The following DNMBP variants were observed in gnomAD, a reference collection of about 807,000 sequenced individuals.
DNMBP encodes dynamin-binding protein.
A neutral mutation model predicts 150.0 loss-of-function variants in DNMBP; 87 were observed. The observed-to-expected ratio is 0.58, with a 90% CI of 0.49 to 0.69. The LOEUF is 0.69. Among genes scored for constraint, DNMBP ranks in the 30% least tolerant of loss-of-function variants. The pLI is 0.00. For synonymous variants in DNMBP, 711 were observed against 750.4 expected, an observed-to-expected ratio of 0.95 and a Z score of 0.86; for missense variants, 1,774 against 1,949.0, an observed-to-expected ratio of 0.91 and a Z score of 1.69.
intron 2 of DNMBP, among the ~76,000 whole-genome samples, chr10:99,971,381 A>G (rs777115098): frequency 6.8e-6 from 1 of 146,850 alleles, no homozygotes; most frequent in Non-Finnish European, 1.5e-5. Context: ...TTTCTTATTT[A>G]TTTATTGAGA....
chr10:99,945,333 G>A (rs577730298), intron 4 of DNMBP, among the ~76,000 whole-genome samples: 4 of 152,278 alleles, frequency 2.6e-5, no homozygotes, highest in Non-Finnish European at 4.4e-5. Context: ...ATACTGGCAC[G>A]CGGAGTAAAA....
At chr10:99,940,618 G>A (rs1325385933) in intron 4 of DNMBP, among the ~76,000 whole-genome samples, 4 of 152,078 alleles carry the variant, frequency 2.6e-5, no homozygotes, top group Non-Finnish European at 4.4e-5. Flanking sequence ...AACGACTTCC[G>A]CTGGCACCTC....
At chr10:99,915,213 A>C (rs2039952089) in intron 4 of DNMBP, among the ~76,000 whole-genome samples, 1 of 119,418 alleles carries the variant, frequency 8.4e-6, no homozygotes, top group Non-Finnish European at 1.9e-5. Flanking sequence ...ACATATATAC[A>C]TACACACACA....
At chr10:99,979,157 T>G (rs56339168) in intron 1 of DNMBP, among the ~76,000 whole-genome samples, 179 of 152,340 alleles carry the variant, frequency 1.2e-3, no homozygotes, top group Non-Finnish European at 1.9e-3. Flanking sequence ...CTGGCTTGAC[T>G]GGGTAAGCTA....
intron 1 of DNMBP, among the ~76,000 whole-genome samples, chr10:99,999,425 T>C (rs2040987248): frequency 6.6e-6 from 1 of 152,196 alleles, no homozygotes; most frequent in Non-Finnish European, 1.5e-5. Flanking sequence ...ACAATGCATG[T>C]AGTATGGTAG....
chr10:100,004,515 C>T (rs1373778064), intron 1 of DNMBP, among the ~76,000 whole-genome samples: 1 of 151,842 alleles, frequency 6.6e-6, no homozygotes, highest in African/African-American at 2.4e-5. Flanking sequence ...CCATGGAAAC[C>T]ACAAATGAGA....
chr10:99,968,704 AAGAG>A (rs1230236208), intron 3 of DNMBP, among the ~76,000 whole-genome samples: 3 of 149,442 alleles, frequency 2.0e-5, no homozygotes, highest in East Asian at 1.9e-4. Flanking sequence ...AAAAAAAAAA[AAGAG>A]AGAGAGAGCA....
chr10:99,911,213 C>G (rs1170809731), intron 4 of DNMBP, among the ~76,000 whole-genome samples: 1 of 151,906 alleles, frequency 6.6e-6, no homozygotes, highest in East Asian at 1.9e-4. Flanking sequence ...TGCACTCCAG[C>G]CTGAGTAAAA....
intron 2 of DNMBP, 144 bp downstream of exon 2, chr10:99,971,836 T>TTTC: frequency 1.1e-6 from 1 of 871,510 alleles, no homozygotes; most frequent in Non-Finnish European, 1.7e-6. Context: ...CTAGGAATAA[T>TTTC]TTTCTTTCTT....
At chr10:100,007,810 T>A (rs191430508) in intron 1 of DNMBP, among the ~76,000 whole-genome samples, 175 of 152,314 alleles carry the variant, frequency 1.1e-3, no homozygotes, top group Non-Finnish European at 1.8e-3. Context: ...AACTAATAAC[T>A]CATAATTAAC....
intron 4 of DNMBP, chr10:99,930,260 T>C (rs1201514453): frequency 2.8e-6 from 2 of 702,846 alleles, no homozygotes; most frequent in Non-Finnish European, 5.2e-6. Context: ...CTAAATTCGC[T>C]GAAGAATCAT....
intron 9 of DNMBP, among the ~76,000 whole-genome samples, chr10:99,897,298 T>G (rs1589403808): frequency 6.6e-6 from 1 of 151,596 alleles, no homozygotes; most frequent in Admixed American, 6.6e-5. Flanking sequence ...GGAGGGGAGG[T>G]GAGGGACTCA....
chr10:99,989,798 C>A (rs1441664127), intron 1 of DNMBP, among the ~76,000 whole-genome samples: 1 of 51,808 alleles, frequency 1.9e-5, no homozygotes, highest in East Asian at 3.3e-4. Context: ...CTGCTATGTA[C>A]CCCCTCTTCT....
chr10:99,903,716 C>T (rs2039780300), intron 6 of DNMBP, among the ~76,000 whole-genome samples: 1 of 152,212 alleles, frequency 6.6e-6, no homozygotes, highest in East Asian at 1.9e-4. Context: ...CTTCTTTTTG[C>T]AGCCCTTTCC....
intron 1 of DNMBP, among the ~76,000 whole-genome samples, chr10:100,005,090 T>C (rs1439901891): frequency 2.0e-5 from 3 of 152,060 alleles, no homozygotes; most frequent in Non-Finnish European, 4.4e-5. Context: ...AAACCATGGA[T>C]AGCTGGAAAG....
chr10:99,886,267 A>G (rs1170417370), intron 13 of DNMBP, 33 bp downstream of exon 13: 1 of 1,558,896 alleles, frequency 6.4e-7, no homozygotes, highest in East Asian at 2.3e-5. Flanking sequence ...AAGGCTATAG[A>G]TGACCATCCC....
At chr10:99,979,856 C>T (rs1185565399) in intron 1 of DNMBP, among the ~76,000 whole-genome samples, 2 of 152,216 alleles carry the variant, frequency 1.3e-5, no homozygotes, top group African/African-American at 2.4e-5. Flanking sequence ...CCCATCCAAA[C>T]GAAATGTCTC....
intron 16 of DNMBP, among the ~76,000 whole-genome samples, 198 bp from the exon 17 acceptor site, chr10:99,877,534 C>T (rs191080897): frequency 4.6e-5 from 7 of 152,104 alleles, no homozygotes; most frequent in African/African-American, 4.8e-5. Flanking sequence ...TAGGTACATA[C>T]GGATGATGGC....
chr10:99,933,499 T>C (rs7089178), intron 4 of DNMBP, among the ~76,000 whole-genome samples: 70,106 of 151,998 alleles, frequency 0.46, 16,993 homozygotes, highest in African/African-American at 0.61. Context: ...GAAAACAAGC[T>C]TTATTATATG....
Sources: gnomAD v4.1 joint callset for allele counts (sites outside exome capture counted in the v4.1 genomes callset) on GRCh38, gnomAD v4.1.1 for gene constraint, MANE v1.5 for transcripts, NCBI Gene and HGNC (gene_info 2026-07-23, HGNC 2026-07-21) for gene names.